Variants in NRP1 observed in about 807,000 individuals in gnomAD.
NRP1 encodes neuropilin 1, also known as neuropilin-1.
A neutral mutation model predicts 106.7 loss-of-function variants in NRP1; 35 were observed. The observed-to-expected ratio is 0.33, with a 90% CI of 0.25 to 0.43. The LOEUF (loss-of-function observed/expected upper bound fraction) is 0.43. NRP1 is among the 20% of genes least tolerant of loss of function. The pLI is 1.00. For missense variants in NRP1, 1,024 were observed against 1,170.4 expected, an observed-to-expected ratio of 0.87 and a Z score of 1.83; for synonymous variants, 437 against 417.9, an observed-to-expected ratio of 1.05 and a Z score of -0.56.
intron 4 of NRP1, 56 bp downstream of exon 4, chr10:33,263,590 A>C (rs2070298): frequency 0.48 from 636,395 of 1,313,850 alleles, 157,255 homozygotes; most frequent in African/African-American, 0.66. Context: ...GTAAAAGAAT[A>C]CTGGTGCCCT....
chr10:33,279,639 G>A (rs1410649234), intron 2 of NRP1, among the ~76,000 whole-genome samples: 6 of 152,094 alleles, frequency 3.9e-5, no homozygotes, highest in African/African-American at 1.4e-4. Flanking sequence ...TCCTAGATTC[G>A]TGTTTGATTG....
chr10:33,301,184 C>T (rs546531199), intron 2 of NRP1, among the ~76,000 whole-genome samples: 33 of 152,214 alleles, frequency 2.2e-4, no homozygotes, highest in African/African-American at 7.9e-4. Flanking sequence ...TCCAGAGGAG[C>T]AGAGTTTGGT....
At chr10:33,296,702 G>A (rs1402487834) in intron 2 of NRP1, among the ~76,000 whole-genome samples, 1 of 152,168 alleles carries the variant, frequency 6.6e-6, no homozygotes, top group Non-Finnish European at 1.5e-5. Flanking sequence ...GGCCAGCAGA[G>A]CCCAGACATC....
intron 6 of NRP1, among the ~76,000 whole-genome samples, chr10:33,246,233 C>CT (rs201480323): frequency 2.7e-5 from 4 of 147,232 alleles, no homozygotes; most frequent in African/African-American, 5.2e-5. Context: ...TCATACCCTC[C>CT]TTAAAAAAAA....
rs367810990 is a variant in NRP1, at chr10:33,253,977, A to G, written c.981+51T>C. 41 of 1,531,300 alleles carry G rather than the reference A, an allele frequency of 2.7e-5. No individual in the cohort carries two copies. In the South Asian group the frequency reaches 4.9e-4, roughly 18 times the overall value. 94.9% of individuals were successfully genotyped at this position (1,531,300 alleles called of 1,614,324 possible). A position where few individuals can be genotyped will look rare whatever the true frequency, so the allele number is the denominator to read the frequency against. On this transcript the variant is annotated intron_variant, in intron 6 of 16. Transcript: ENST00000374867. ...CACTTTCTTTCAACAACCTCTCTAGATGGTCAAAAACTTATTCAATCCTAG... is the reference window on the plus strand; with the variant it reads ...CACTTTCTTTCAACAACCTCTCTAGGTGGTCAAAAACTTATTCAATCCTAG...
chr10:33,254,067 C>A lies in NRP1; in HGVS notation c.942G>T (p.Gly314=). ...ERSRLNYPEN[G]WTPGEDSYRE... is the part of the protein sequence containing the mutation. ...GGTAGGAATCCTCTCCGGGAGTCCA[C>A]CCATTCTCAGGGTAGTTCAGGCGGG... The change falls in exon 6 of 17, where the codon GGG becomes GGT. Residue 314 remains glycine (G), a synonymous_variant. Coordinates refer to ENST00000374867, the MANE Select transcript of NRP1 (RefSeq NM_003873.7). 1 of 1,613,458 alleles carries A rather than the reference C, an allele frequency of 6.2e-7. No homozygotes were observed. The highest frequency in any genetic ancestry group is 1.3e-5 in the African/African-American group (1 of 74,990).
intron 3 of NRP1, among the ~76,000 whole-genome samples, chr10:33,268,211 A>T (rs773320009): frequency 3.3e-5 from 5 of 152,084 alleles, no homozygotes; most frequent in Non-Finnish European, 5.9e-5. Flanking sequence ...TATGCAGTTG[A>T]TGCTGTTTTG....
At chr10:33,318,113 G>A (rs1412132401) in intron 2 of NRP1, among the ~76,000 whole-genome samples, 1 of 152,082 alleles carries the variant, frequency 6.6e-6, no homozygotes, top group Non-Finnish European at 1.5e-5. Context: ...TCAACACTGT[G>A]TTGCTGAGAT....
chr10:33,267,607 TG>T (rs1257711934), intron 3 of NRP1, among the ~76,000 whole-genome samples: 1 of 149,162 alleles, frequency 6.7e-6, no homozygotes, highest in Non-Finnish European at 1.5e-5. Context: ...CCGTCCCCCT[TG>T]CACTGAGACC....
At chr10:33,267,426 G>C (rs1440036660) in intron 3 of NRP1, among the ~76,000 whole-genome samples, 1 of 152,142 alleles carries the variant, frequency 6.6e-6, no homozygotes, top group Admixed American at 6.5e-5. Flanking sequence ...GGAGTAACTT[G>C]TATAGCTATA....
intron 12 of NRP1, chr10:33,194,709 G>T: frequency 1.9e-6 from 1 of 522,268 alleles, no homozygotes; most frequent in Non-Finnish European, 3.9e-6. Context: ...TAAAGGATAT[G>T]TTTTTAGATC....
Position 33,288,821 on chromosome 10 carries a change from C to T in NRP1, c.249-17965G>A, listed in dbSNP as rs1013222672. ...TTCCTCTCCTTGAATGTATAAAACC[C>T]TTAATTAGGGAGTAGGAGCCAAGGA... On this transcript the variant is annotated intron_variant, in intron 2 of 16. Transcript: ENST00000374867. Among the ~76,000 whole-genome samples, 9 of 152,240 alleles carry T rather than the reference C, an allele frequency of 5.9e-5. No homozygotes were observed. The South Asian group carries it at 8.3e-4, about 14-fold the overall frequency.
rs2132695097 is a variant in NRP1 at position 33,201,783 on chromosome 10, T to C, written c.1864+1108A>G. 1.3e-5 allele frequency: 2 copies of C among 152,324 alleles called. 1 individual carries two copies. Among genetic ancestry groups the C allele is most frequent in the South Asian group, 4.1e-4 (2 of 4,820 alleles). 9.4% of individuals were successfully genotyped at this position (152,324 alleles called of 1,614,324 possible). A position where few individuals can be genotyped will look rare whatever the true frequency, so the allele number is the denominator to read the frequency against. Reference sequence around the variant, plus strand: ...ATTTAAATGTAAACTCAGTTCACAGTACTAAATTTCTGGGACAGATTTTCA... The same window carrying C: ...ATTTAAATGTAAACTCAGTTCACAGCACTAAATTTCTGGGACAGATTTTCA... On this transcript the variant is annotated intron_variant, in intron 11 of 16. Coordinates refer to ENST00000374867, the MANE Select transcript of NRP1 (RefSeq NM_003873.7).
intron 2 of NRP1, among the ~76,000 whole-genome samples, chr10:33,288,806 T>C (rs1431277280): frequency 6.6e-6 from 1 of 152,166 alleles, no homozygotes; most frequent in Non-Finnish European, 1.5e-5. Flanking sequence ...TTCCTCTCCT[T>C]GAATGTATAA....
intron 4 of NRP1, among the ~76,000 whole-genome samples, chr10:33,261,838 G>A (rs1842595890): frequency 6.6e-6 from 1 of 152,140 alleles, no homozygotes; most frequent in Non-Finnish European, 1.5e-5. Context: ...CCAGGTTCAA[G>A]TGATTCTCCT....
chr10:33,185,779 GT>G, intron 14 of NRP1, 55 bp from the exon 15 acceptor site: 1 of 1,423,966 alleles, frequency 7.0e-7, no homozygotes. Flanking sequence ...ACATGGCAGT[GT>G]TTACAAATGC....
chr10:33,184,208 G>T (rs949144585), intron 15 of NRP1, among the ~76,000 whole-genome samples: 1 of 152,078 alleles, frequency 6.6e-6, no homozygotes, highest in Non-Finnish European at 1.5e-5. Context: ...TAGAGATGGG[G>T]TTTTGCCATG....
intron 6 of NRP1, among the ~76,000 whole-genome samples, chr10:33,253,174 A>G (rs1217280442): frequency 6.6e-6 from 1 of 152,188 alleles, no homozygotes; most frequent in Non-Finnish European, 1.5e-5. Flanking sequence ...TGGATGTTTC[A>G]TTTAACAGTG....
rs770248476 is a variant in NRP1, at chr10:33,192,406, T to C, written c.1937A>G (p.Tyr646Cys). ...DSTIQSEFPT[Y>C]GFNCEFGWGS... ...CCAGCCAAATTCACAGTTAAAACCA[T>C]ATGTTGGAAACTCTTCAGTGGGTGG... The change falls in exon 13 of 17, where the codon TAT becomes TGT. Residue 646 changes from tyrosine (Y) to cysteine (C), a missense_variant. Physicochemically the swap from Tyr to Cys is radical, Grantham distance 194 (BLOSUM62 -2). Transcript: ENST00000374867. The C allele has an allele frequency of 1.9e-6, 3 of 1,613,778 alleles. No individual in the cohort carries two copies. The highest frequency in any genetic ancestry group is 2.7e-5 in the African/African-American group (2 of 74,942).
Sources: allele counts gnomAD v4.1 joint callset (sites outside exome capture counted in the v4.1 genomes callset), GRCh38; gene constraint gnomAD v4.1.1; transcripts MANE v1.5; gene names NCBI Gene and HGNC (gene_info 2026-07-23, HGNC 2026-07-21).